NAA15: variants seen among roughly 807,000 people sequenced by gnomAD.
The protein encoded by NAA15 is N-alpha-acetyltransferase 15, NatA auxiliary subunit.
NAA15 carries 34 observed loss-of-function variants against 114.0 expected under a neutral mutation model. The ratio of observed to expected loss-of-function variants is 0.30; its 90% CI spans 0.23 to 0.40. NAA15 has a LOEUF of 0.40. Among genes scored for constraint, NAA15 ranks in the 10% least tolerant of loss-of-function variants. NAA15 has a pLI of 1.00. For missense variants in NAA15, 658 were observed against 1,004.5 expected (o/e 0.66, Z 4.66); for synonymous variants, 340 against 338.0 (o/e 1.01, Z -0.06).
intron 1 of NAA15, among the ~76,000 whole-genome samples, chr4:139,308,887 G>A (rs939743432): frequency 6.6e-6 from 1 of 151,966 alleles, no homozygotes; most frequent in Non-Finnish European, 1.5e-5. Context: ...CAAGTGCTGG[G>A]ATTACAGGCG....
intron 1 of NAA15, among the ~76,000 whole-genome samples, chr4:139,328,568 C>G (rs1746883781): frequency 1.6e-5 from 2 of 123,628 alleles, no homozygotes; most frequent in Admixed American, 7.8e-5. Context: ...CTTTTTCTTT[C>G]TTTTCTTTTT....
At chr4:139,331,443 T>G (rs1457938166) in intron 1 of NAA15, among the ~76,000 whole-genome samples, 1 of 151,286 alleles carries the variant, frequency 6.6e-6, no homozygotes, top group Non-Finnish European at 1.5e-5. Flanking sequence ...TTTTTTTTCT[T>G]CTTTCTTTCT....
chr4:139,341,822 A>G (rs1412943987), intron 4 of NAA15, among the ~76,000 whole-genome samples: 1 of 151,626 alleles, frequency 6.6e-6, no homozygotes, highest in Non-Finnish European at 1.5e-5. Context: ...CCTGGGTTCA[A>G]GCAGTTCTCA....
At position 139,385,283 on chromosome 4, in the gene NAA15, A is replaced by AT. The variant is rs1553999084; in HGVS notation, c.2302+305_2302+306insT. The stretch of plus-strand genomic sequence containing the variant: ...AACAAAACCAAACATATATATATAT[A>AT]ATATATATATATATATAATATATAT... On this transcript the variant is annotated intron_variant, in intron 18 of 19. Coordinates refer to ENST00000296543, the MANE Select transcript of NAA15 (RefSeq NM_057175.5). Among the ~76,000 whole-genome samples, 26 of 100,482 alleles carry AT rather than the reference A, an allele frequency of 2.6e-4. 2 individuals are homozygous for AT. Among genetic ancestry groups the AT allele is most frequent in the African/African-American group, 7.9e-4 (21 of 26,716 alleles). 65.9% of individuals were successfully genotyped at this position (100,482 alleles called of 152,430 possible). A position where few individuals can be genotyped will look rare whatever the true frequency, so the allele number is the denominator to read the frequency against.
intron 1 of NAA15, 123 bp from the exon 2 acceptor site, chr4:139,334,051 G>A (rs1017126063): frequency 1.3e-5 from 8 of 608,438 alleles, no homozygotes; most frequent in African/African-American, 3.9e-5. Flanking sequence ...GCATTTTACC[G>A]AGATTTAGAA....
chr4:139,361,629 C>A, intron 13 of NAA15, 95 bp from the exon 14 acceptor site: 1 of 731,706 alleles, frequency 1.4e-6, no homozygotes, highest in Non-Finnish European at 2.1e-6. Context: ...TAGTTTTTTT[C>A]ATGCCAAAGT....
rs779777784 is a variant in NAA15 at position 139,351,273 on chromosome 4, A to G, written c.894A>G (p.Leu298=). 1.9e-6 allele frequency: 3 copies of G among 1,603,634 alleles called. No homozygotes were observed. Among genetic ancestry groups the G allele is most frequent in the Non-Finnish European group, 2.6e-6 (3 of 1,172,682 alleles). ...GACTGGTGCCAAGAAGGCTGCCGTT[A>G]AACTTTTTATCTGGTAAGTGAGAAT... ...PRGLVPRRLP[L]NFLSGEKFKE... Residue 298 remains leucine, a synonymous_variant, in exon 8 of 20, where the codon TTA becomes TTG. Transcript: ENST00000296543.
intron 1 of NAA15, among the ~76,000 whole-genome samples, chr4:139,302,721 C>A (rs963990595): frequency 2.0e-5 from 3 of 152,210 alleles, no homozygotes; most frequent in Non-Finnish European, 2.9e-5. Context: ...TTGACGCTAG[C>A]TCAGACTTAT....
At chr4:139,348,320 G>A (rs1199960077) in intron 6 of NAA15, among the ~76,000 whole-genome samples, 2 of 152,030 alleles carry the variant, frequency 1.3e-5, no homozygotes, top group African/African-American at 4.8e-5. Flanking sequence ...CAGGCATGGT[G>A]GCACATGCCT....
chr4:139,302,228 G>A (rs1745807355), intron 1 of NAA15: 1 of 199,694 alleles, frequency 5.0e-6, no homozygotes, highest in East Asian at 1.2e-4. Context: ...ACCCTTGGAA[G>A]GAACAGGTGG....
chr4:139,377,651 A>G (rs1187691625), intron 16 of NAA15, among the ~76,000 whole-genome samples: 1 of 152,202 alleles, frequency 6.6e-6, no homozygotes, highest in Non-Finnish European at 1.5e-5. Context: ...TTTTATTAAT[A>G]TATTTACATA....
intron 15 of NAA15, among the ~76,000 whole-genome samples, chr4:139,373,995 G>A (rs1352512070): frequency 6.6e-6 from 1 of 152,070 alleles, no homozygotes; most frequent in Non-Finnish European, 1.5e-5. Flanking sequence ...GTGAGCCACC[G>A]CGCCCAGCCT....
chr4:139,357,095 C>T (rs1255633666), intron 10 of NAA15, among the ~76,000 whole-genome samples: 1 of 151,934 alleles, frequency 6.6e-6, no homozygotes, highest in Non-Finnish European at 1.5e-5. Context: ...AGCTTGTCTC[C>T]CCCCTACCTG....
In NAA15 at chr4:139,388,128, G is replaced by A. The variant is rs764735882; in HGVS notation, c.*44G>A. 31 of 1,556,522 alleles carry A rather than the reference G, an allele frequency of 2.0e-5. No individual in the cohort carries two copies. Among genetic ancestry groups the A allele is most frequent in the Non-Finnish European group, 2.6e-5 (30 of 1,135,390 alleles). On this transcript the variant is annotated 3_prime_UTR_variant, in exon 20 of 20. Coordinates refer to ENST00000296543, the MANE Select transcript of NAA15 (RefSeq NM_057175.5). ...ATGGAATGACTTTGGACCATATCTA[G>A]TATATAATATTTTTGTCACGCACCT...
chr4:139,384,356 T>C (rs1005983182), intron 17 of NAA15, among the ~76,000 whole-genome samples: 11 of 152,142 alleles, frequency 7.2e-5, no homozygotes, highest in African/African-American at 2.7e-4. Flanking sequence ...CTTGCACCTG[T>C]GGTCCCAGCT....
At chr4:139,331,324 T>G (rs1481943086) in intron 1 of NAA15, among the ~76,000 whole-genome samples, 1 of 152,232 alleles carries the variant, frequency 6.6e-6, no homozygotes, top group African/African-American at 2.4e-5. Context: ...ACATAGCTTT[T>G]AAATATTTGT....
chr4:139,370,541 ATTC>A, intron 15 of NAA15, 137 bp downstream of exon 15: 1 of 726,424 alleles, frequency 1.4e-6, no homozygotes, highest in Non-Finnish European at 2.0e-6. Flanking sequence ...ATTTTTTAGT[ATTC>A]TTTCTTTAAT....
intron 6 of NAA15, among the ~76,000 whole-genome samples, chr4:139,348,032 C>T (rs1368803854): frequency 1.4e-5 from 2 of 146,618 alleles, no homozygotes; most frequent in African/African-American, 5.1e-5. Flanking sequence ...GAGCGAGACT[C>T]CGTCTCAAAA....
chr4:139,357,213 AAAATATGGACCT>A (rs1747985483), intron 10 of NAA15, among the ~76,000 whole-genome samples, 161 bp from the exon 11 acceptor site: 8 of 152,384 alleles, frequency 5.2e-5, no homozygotes, highest in Non-Finnish European at 1.2e-4. Context: ...TGCAGAAAAG[AAAATATGGACCT>A]TTCCAAAGAT....
Sources: gnomAD v4.1 joint callset for allele counts (sites outside exome capture counted in the v4.1 genomes callset) on GRCh38, gnomAD v4.1.1 for gene constraint, MANE v1.5 for transcripts, NCBI Gene and HGNC (gene_info 2026-07-23, HGNC 2026-07-21) for gene names.